MECOM: variants seen among roughly 807,000 people sequenced by gnomAD.
The protein encoded by MECOM is histone-lysine N-methyltransferase MECOM.
In MECOM, 13 loss-of-function variants were observed where a neutral mutation model predicts 116.3. That is an observed-to-expected ratio of 0.11 (90% CI 0.07 to 0.18). The LOEUF (loss-of-function observed/expected upper bound fraction) is 0.18. Among genes scored for constraint, MECOM ranks in the 10% least tolerant of loss-of-function variants. The pLI, the probability that MECOM is intolerant of heterozygous loss-of-function variation, is 1.00. For synonymous variants in MECOM, 528 were observed against 535.2 expected (o/e 0.99, Z 0.19); for missense variants, 1,299 against 1,509.0 (o/e 0.86, Z 2.31).
rs1470227758 is a variant in MECOM, at chr3:169,472,670, AAGGAGAGGAG to A, written c.38-91156_38-91147del. Among the ~76,000 whole-genome samples, 52 of 67,604 alleles carry A rather than the reference AAGGAGAGGAG, an allele frequency of 7.7e-4. 3 individuals are homozygous for A. Among genetic ancestry groups the A allele is most frequent in the African/African-American group, 2.8e-3 (49 of 17,304 alleles). 44.4% of individuals were successfully genotyped at this position (67,604 alleles called of 152,430 possible). ...AAGGAAAAGAAAAGAAAGGAAAGGA[AAGGAGAGGAG>A]AGGAAAGGAAAGGGAAGGGAAGGAA... is the stretch of plus-strand genomic sequence containing the variant. On this transcript the variant is annotated intron_variant, in intron 1 of 16. Transcript: ENST00000651503.
At chr3:169,146,234 C>A in intron 2 of MECOM, 1 of 1,146,328 alleles carries the variant, frequency 8.7e-7, no homozygotes, top group South Asian at 2.6e-5. Flanking sequence ...ACAATCTAGC[C>A]AAAGGGTCCG....
At chr3:169,623,786 T>A (rs557534074) in intron 1 of MECOM, 1 of 151,820 alleles carries the variant, frequency 6.6e-6, no homozygotes, top group East Asian at 1.9e-4. Context: ...TAAAATGCTG[T>A]CTCCTAAAAC....
In MECOM at chr3:169,446,310, T is replaced by C. The variant is rs368650566; in HGVS notation, c.38-64786A>G. 8.5e-5 allele frequency among the ~76,000 whole-genome samples: 13 copies of C among 152,242 alleles called. 1 individual carries two copies. In the East Asian group the frequency reaches 2.1e-3, roughly 25 times the overall value. ...GAATCATGGGGGCCAGTCTTTCCCT[T>C]GCTACTCTCATGATAGTGACTATGT... On this transcript the variant is annotated intron_variant, in intron 1 of 16. Coordinates refer to ENST00000651503, the MANE Select transcript of MECOM (RefSeq NM_004991.4).
chr3:169,186,411 A>AT (rs1746780302), intron 2 of MECOM, among the ~76,000 whole-genome samples: 1 of 31,640 alleles, frequency 3.2e-5, no homozygotes, highest in Non-Finnish European at 6.3e-5. Flanking sequence ...GGAGGGAGGG[A>AT]GGGAGGGAGG....
intron 2 of MECOM, among the ~76,000 whole-genome samples, chr3:169,217,980 A>C (rs1685643): frequency 0.93 from 140,466 of 151,494 alleles, 65,252 homozygotes; most frequent in African/African-American, 0.98. Context: ...ATCCTAAATT[A>C]TCAGTGACTC....
chr3:169,550,841 T>TTTTTTTG (rs1761296603), intron 1 of MECOM, among the ~76,000 whole-genome samples: 1 of 100,350 alleles, frequency 1.0e-5, no homozygotes, highest in Non-Finnish European at 2.0e-5. Flanking sequence ...TTTTTTTTTT[T>TTTTTTTG]GAGACGGAGT....
intron 1 of MECOM, among the ~76,000 whole-genome samples, chr3:169,606,959 C>T (rs1768655898): frequency 6.6e-6 from 1 of 152,170 alleles, no homozygotes; most frequent in Admixed American, 6.5e-5. Context: ...AGCCATATGC[C>T]TCAGTATAGC....
intron 11 of MECOM, among the ~76,000 whole-genome samples, chr3:169,101,206 T>C (rs1723444538): frequency 6.6e-6 from 1 of 152,232 alleles, no homozygotes; most frequent in Non-Finnish European, 1.5e-5. Flanking sequence ...TTTATGAAAA[T>C]AGACTTTAGT....
intron 1 of MECOM, among the ~76,000 whole-genome samples, chr3:169,637,340 G>C (rs1380484720): frequency 6.6e-6 from 1 of 152,098 alleles, no homozygotes; most frequent in Non-Finnish European, 1.5e-5. Context: ...ACTACAAAAA[G>C]TAATAATAAA....
chr3:169,129,487 A>C (rs1733983505), intron 4 of MECOM, among the ~76,000 whole-genome samples: 1 of 151,900 alleles, frequency 6.6e-6, no homozygotes, highest in East Asian at 1.9e-4. Context: ...TCCACATAAG[A>C]TGCTGGTTTA....
At chr3:169,394,707 A>C (rs777370875) in intron 1 of MECOM, among the ~76,000 whole-genome samples, 13 of 152,192 alleles carry the variant, frequency 8.5e-5, no homozygotes, top group Non-Finnish European at 5.9e-5. Context: ...GAGATGCTTA[A>C]CATGTCAGGT....
At chr3:169,574,383 A>G (rs1159353268) in intron 1 of MECOM, among the ~76,000 whole-genome samples, 1 of 152,018 alleles carries the variant, frequency 6.6e-6, no homozygotes, top group Non-Finnish European at 1.5e-5. Context: ...GCTAAGAGTG[A>G]AGGAAGCTCC....
chr3:169,399,609 T>A (rs1427210755), intron 1 of MECOM, among the ~76,000 whole-genome samples: 1 of 152,202 alleles, frequency 6.6e-6, no homozygotes, highest in African/African-American at 2.4e-5. Context: ...AAAGAGAAGC[T>A]TTTGATAAAT....
At chr3:169,460,428 G>C (rs981545638) in intron 1 of MECOM, among the ~76,000 whole-genome samples, 6 of 152,086 alleles carry the variant, frequency 3.9e-5, no homozygotes, top group Admixed American at 3.9e-4. Flanking sequence ...ATAGAATTTA[G>C]AGTTGGAAAA....
rs76488973 is a variant in MECOM at position 169,455,372 on chromosome 3, G to A, written c.38-73848C>T. 4.9e-3 allele frequency among the ~76,000 whole-genome samples: 742 copies of A among 152,224 alleles called. 27 individuals carry two copies. Among genetic ancestry groups the A allele is most frequent in the Admixed American group, 0.04 (613 of 15,284 alleles). ...AAGTGTATCTCCGCGTTTATACTGC[G>A]CCACCTTTGGGGAAAAGTGTAGTAG... On this transcript the variant is annotated intron_variant, in intron 1 of 16. Coordinates refer to ENST00000651503, the MANE Select transcript of MECOM (RefSeq NM_004991.4).
At chr3:169,317,327 GTTTTTTTC>G (rs1267627574) in intron 2 of MECOM, among the ~76,000 whole-genome samples, 1 of 151,884 alleles carries the variant, frequency 6.6e-6, no homozygotes, top group Non-Finnish European at 1.5e-5. Context: ...GTGGCTGGAG[GTTTTTTTC>G]TTTAATATGA....
intron 2 of MECOM, among the ~76,000 whole-genome samples, chr3:169,246,615 G>C (rs985028981): frequency 6.2e-5 from 9 of 145,514 alleles, no homozygotes; most frequent in Non-Finnish European, 8.9e-5. Flanking sequence ...TGCAACCTCT[G>C]CCTCCCAGGT....
At chr3:169,537,718 T>TAA (rs144260368) in intron 1 of MECOM, among the ~76,000 whole-genome samples, 11 of 142,616 alleles carry the variant, frequency 7.7e-5, no homozygotes, top group Non-Finnish European at 7.8e-5. Flanking sequence ...GCAGAACATT[T>TAA]AAAAAAAAAA....
At chr3:169,129,579 A>G (rs942307391) in intron 4 of MECOM, among the ~76,000 whole-genome samples, 2 of 152,074 alleles carry the variant, frequency 1.3e-5, no homozygotes, top group African/African-American at 4.8e-5. Context: ...AAAAAAATCA[A>G]CTTGGCTCTA....
Sources: allele counts gnomAD v4.1 joint callset (sites outside exome capture counted in the v4.1 genomes callset), GRCh38; gene constraint gnomAD v4.1.1; transcripts MANE v1.5; gene names NCBI Gene and HGNC (gene_info 2026-07-23, HGNC 2026-07-21).